Variants in BCO2 observed in about 807,000 individuals in gnomAD.
The protein encoded by BCO2 is carotenoid-cleaving dioxygenase, mitochondrial.
Under a neutral mutation model 65.8 loss-of-function variants are expected in BCO2, and 56 were observed. The ratio of observed to expected loss-of-function variants is 0.85; its 90% CI spans 0.69 to 1.06. BCO2 has a LOEUF of 1.06. BCO2 is among the 50% of genes least tolerant of loss of function. The probability of loss-of-function intolerance (pLI) is 0.00; values close to 1 mark genes in which losing one functional copy is unlikely to be tolerated. For missense variants in BCO2, 675 were observed against 698.5 expected, an observed-to-expected ratio of 0.97 and a Z score of 0.38; for synonymous variants, 233 against 242.3, an observed-to-expected ratio of 0.96 and a Z score of 0.36.
chr11:112,189,104 A>C (rs991783680), intron 2 of BCO2, among the ~76,000 whole-genome samples: 1 of 152,234 alleles, frequency 6.6e-6, no homozygotes, highest in Non-Finnish European at 1.5e-5. Context: ...AAGCAGAAAA[A>C]AATTAATTAC....
At chr11:112,203,050 CAA>C (rs547629144) in intron 8 of BCO2, among the ~76,000 whole-genome samples, 29 of 105,598 alleles carry the variant, frequency 2.7e-4, no homozygotes, top group Admixed American at 5.1e-4. Flanking sequence ...ACTCCATCTC[CAA>C]AAAAAAAAAA....
intron 4 of BCO2, 30 bp downstream of exon 4, chr11:112,194,024 A>C (rs769383589): frequency 8.8e-7 from 1 of 1,141,824 alleles, no homozygotes; most frequent in Non-Finnish European, 1.3e-6. Context: ...AAATGAATAA[A>C]ATAGATCCTA....
intron 2 of BCO2, chr11:112,180,673 C>T: frequency 1.4e-6 from 1 of 736,676 alleles, no homozygotes; most frequent in Non-Finnish European, 2.5e-6. Flanking sequence ...GGAGGCGAAT[C>T]CAAGTGGGTG....
intron 2 of BCO2, among the ~76,000 whole-genome samples, chr11:112,180,347 A>G (rs1401130799): frequency 6.6e-6 from 1 of 152,118 alleles, no homozygotes; most frequent in Non-Finnish European, 1.5e-5. Flanking sequence ...ATTAATTATA[A>G]TTACCTATTT....
At chr11:112,202,278 T>A in intron 8 of BCO2, 88 bp downstream of exon 8, 12 of 1,187,472 alleles carry the variant, frequency 1.0e-5, no homozygotes, top group Non-Finnish European at 1.3e-5. Flanking sequence ...TTTCTCTCTC[T>A]CTCTCTCTCT....
intron 9 of BCO2, 169 bp from the exon 10 acceptor site, chr11:112,214,593 T>C (rs2250417): frequency 0.46 from 269,502 of 588,248 alleles, 66,540 homozygotes; most frequent in Non-Finnish European, 0.53. Context: ...ATAATCATTA[T>C]GCATCCACAC....
chr11:112,196,662 C>T (rs1045354121), intron 5 of BCO2, among the ~76,000 whole-genome samples: 7 of 152,284 alleles, frequency 4.6e-5, no homozygotes, highest in Middle Eastern at 3.4e-3. Flanking sequence ...CAAAACATAT[C>T]TATATCCCCA....
intron 8 of BCO2, among the ~76,000 whole-genome samples, chr11:112,212,816 A>T (rs931669883): frequency 6.6e-6 from 1 of 152,234 alleles, no homozygotes; most frequent in Non-Finnish European, 1.5e-5. Context: ...GGTGTTCATT[A>T]TAAATCACAT....
chr11:112,176,525 G>GC (rs1566761429), intron 1 of BCO2: 1 of 130,238 alleles, frequency 7.7e-6, no homozygotes, highest in Non-Finnish European at 1.6e-5. Context: ...GGCGGGGGGG[G>GC]GGGAATTAAA....
At chr11:112,199,890 C>T (rs548886389) in intron 6 of BCO2, 63 bp downstream of exon 6, 2 of 1,566,442 alleles carry the variant, frequency 1.3e-6, no homozygotes, top group African/African-American at 2.7e-5. Context: ...AGCAGAAGGA[C>T]TAGTCTGGCA....
At position 112,200,607 on chromosome 11, in the gene BCO2, T is replaced by C; in HGVS notation, c.866-6T>C. The stretch of plus-strand genomic sequence containing the variant: ...AACATTTTTATTGTTTGCTGGAACC[T>C]TTTAGGAATGACAAGGAACTATATA... On this transcript the variant is annotated splice_region_variant and splice_polypyrimidine_tract_variant and intron_variant, in intron 6 of 11. Coordinates refer to ENST00000357685, the MANE Select transcript of BCO2 (RefSeq NM_031938.7). 1 of 1,595,570 alleles carries C rather than the reference T, an allele frequency of 6.3e-7. No homozygotes were observed. Among genetic ancestry groups the C allele is most frequent in the Non-Finnish European group, 8.5e-7 (1 of 1,174,088 alleles).
At chr11:112,181,408 C>T (rs935541266) in intron 2 of BCO2, 3 of 586,870 alleles carry the variant, frequency 5.1e-6, no homozygotes, top group African/African-American at 1.9e-5. Flanking sequence ...GTCTCGATCT[C>T]CTGACCTCGT....
Position 112,216,222 on chromosome 11 carries a change from T to C in BCO2, c.1518T>C (p.Val506=). 6.2e-7 allele frequency: 1 copy of C among 1,613,418 alleles called. No homozygotes were observed. The highest frequency in any genetic ancestry group is 8.5e-7 in the Non-Finnish European group (1 of 1,179,328). ...AATGCTTTTTTTGGGACTTGCAGGT[T>C]TGGAGAGAAGATGGCTTTTATCCCT... is the stretch of plus-strand genomic sequence containing the variant. ...KVDVVNKTLK[V]WREDGFYPSE... is the part of the protein sequence containing the mutation. Residue 506 remains valine (V), a splice_region_variant and synonymous_variant, in exon 11 of 12, where the codon GTT becomes GTC. Transcript: ENST00000357685.
intron 8 of BCO2, among the ~76,000 whole-genome samples, chr11:112,209,406 G>A (rs1859444328): frequency 6.6e-6 from 1 of 152,152 alleles, no homozygotes; most frequent in Non-Finnish European, 1.5e-5. Flanking sequence ...AGGTTCCTCT[G>A]TGTCTTTTGT....
intron 5 of BCO2, among the ~76,000 whole-genome samples, 185 bp downstream of exon 5, chr11:112,194,940 G>A (rs1048687747): frequency 6.6e-6 from 1 of 151,974 alleles, no homozygotes; most frequent in Non-Finnish European, 1.5e-5. Flanking sequence ...CTTCAATGCT[G>A]TTATAGGAAA....
intron 2 of BCO2, chr11:112,181,666 A>T: frequency 1.1e-6 from 1 of 935,898 alleles, no homozygotes; most frequent in South Asian, 1.3e-5. Context: ...CTGGAGGATC[A>T]TTCACCAATA....
chr11:112,181,129 G>GT (rs1203790546), intron 2 of BCO2: 20 of 1,375,008 alleles, frequency 1.5e-5, no homozygotes, highest in Non-Finnish European at 2.1e-5. Flanking sequence ...TGGCCCACAT[G>GT]TTTAAGGACA....
chr11:112,196,498 C>T (rs184158967), intron 5 of BCO2, among the ~76,000 whole-genome samples: 13 of 152,282 alleles, frequency 8.5e-5, no homozygotes, highest in African/African-American at 3.1e-4. Flanking sequence ...ATCCTGTAAA[C>T]ATTAATCAAT....
At position 112,213,835 on chromosome 11, in the gene BCO2, A is replaced by T. The variant is rs1327806379; in HGVS notation, c.1306A>T (p.Ser436Cys). Residue 436 changes from serine to cysteine, a missense_variant, in exon 9 of 12, where the codon AGT becomes TGT. Transcript: ENST00000357685. The part of the protein sequence containing the change: ...NLSPLSYTSA[S>C]AVKQADGTIW... The stretch of plus-strand genomic sequence containing the variant: ...GAGTCCATTGTCCTATACTTCAGCC[A>T]GTGCTGTGAAACAGGCTGATGGAAC... The T allele has an allele frequency of 3.1e-6, 5 of 1,587,902 alleles. 1 individual carries two copies. In the South Asian group the frequency reaches 5.5e-5, roughly 18 times the overall value.
Sources: allele counts gnomAD v4.1 joint callset (sites outside exome capture counted in the v4.1 genomes callset), GRCh38; gene constraint gnomAD v4.1.1; transcripts MANE v1.5; gene names NCBI Gene and HGNC (gene_info 2026-07-23, HGNC 2026-07-21).